Variants in IKZF1 observed in about 807,000 individuals in gnomAD.
IKZF1 encodes the protein IKAROS family zinc finger 1.
A neutral mutation model predicts 51.7 loss-of-function variants in IKZF1; 10 were observed. That is an observed-to-expected ratio of 0.19 (90% CI 0.12 to 0.33). IKZF1 has a LOEUF of 0.33. Ranked by LOEUF, IKZF1 falls within the 10% of genes least tolerant of loss-of-function variation. The probability of loss-of-function intolerance (pLI) is 1.00; values close to 1 mark genes in which losing one functional copy is unlikely to be tolerated. For synonymous variants in IKZF1, 280 were observed against 282.3 expected (o/e 0.99, Z 0.08); for missense variants, 484 against 707.5 (o/e 0.68, Z 3.58).
At chr7:50,356,563 G>A (rs542897507) in intron 3 of IKZF1, among the ~76,000 whole-genome samples, 3 of 152,198 alleles carry the variant, frequency 2.0e-5, no homozygotes. Context: ...ACGGCTGTGT[G>A]TCTGTGCGTG....
intron 5 of IKZF1, among the ~76,000 whole-genome samples, chr7:50,387,077 G>A (rs905891486): frequency 5.9e-5 from 9 of 152,168 alleles, no homozygotes; most frequent in African/African-American, 2.2e-4. Flanking sequence ...CTAGGCTTCC[G>A]TGATTGAAGC....
chr7:50,346,938 C>T (rs993314576), intron 3 of IKZF1, among the ~76,000 whole-genome samples: 2 of 152,238 alleles, frequency 1.3e-5, no homozygotes, highest in Admixed American at 6.5e-5. Flanking sequence ...AAATTGTGTT[C>T]GATCTTTGCA....
chr7:50,359,931 C>T (rs1804694032), intron 3 of IKZF1, among the ~76,000 whole-genome samples: 1 of 152,228 alleles, frequency 6.6e-6, no homozygotes, highest in Non-Finnish European at 1.5e-5. Context: ...GGTCAGGTCA[C>T]CAGAGGCTGG....
intron 1 of IKZF1, among the ~76,000 whole-genome samples, chr7:50,314,880 A>G (rs1290641850): frequency 6.6e-6 from 1 of 152,216 alleles, no homozygotes; most frequent in African/African-American, 2.4e-5. Flanking sequence ...GGGCTGTTGG[A>G]TGTTTCTCCC....
Position 50,376,135 on chromosome 7 carries a change from C to T in IKZF1, c.161-398C>T, listed in dbSNP as rs942376879. On this transcript the variant is annotated intron_variant, in intron 3 of 7. Coordinates refer to ENST00000331340, the MANE Select transcript of IKZF1 (RefSeq NM_006060.6). This position sits in a 1 kb window ranked among gnomAD's most constrained non-coding sequence, Gnocchi z 4.5. ...GAGAGCTGGATTGTGTGACCCAGAA[C>T]CCACCCTCTAGGGCAAGGTGCCCAT... Among the ~76,000 whole-genome samples the T allele has an allele frequency of 1.3e-5, 2 of 152,204 alleles. No homozygotes were observed. The highest frequency in any genetic ancestry group is 4.8e-5 in the African/African-American group (2 of 41,446).
chr7:50,360,054 G>A (rs550393093), intron 3 of IKZF1, among the ~76,000 whole-genome samples: 17 of 152,232 alleles, frequency 1.1e-4, no homozygotes, highest in Non-Finnish European at 1.8e-4. Flanking sequence ...CGAGAGCGGC[G>A]GGATTAAGAG....
chr7:50,317,871 G>A (rs1267058578), intron 1 of IKZF1, among the ~76,000 whole-genome samples: 2 of 152,168 alleles, frequency 1.3e-5, no homozygotes, highest in Non-Finnish European at 1.5e-5. Context: ...AGTTTTTCAG[G>A]TCTCTGCTGA....
intron 3 of IKZF1, among the ~76,000 whole-genome samples, chr7:50,347,138 TACTG>T (rs1800577246): frequency 6.6e-6 from 1 of 152,212 alleles, no homozygotes; most frequent in Admixed American, 6.5e-5. Context: ...CTTTTGGAAA[TACTG>T]TATGTGCTAG....
chr7:50,386,315 C>T (rs1226342160), intron 5 of IKZF1, among the ~76,000 whole-genome samples: 1 of 152,240 alleles, frequency 6.6e-6, no homozygotes, highest in Non-Finnish European at 1.5e-5. Context: ...CCACTAGCCA[C>T]ATGCAGTATT....
At chr7:50,397,779 C>T (rs1362809890) in intron 7 of IKZF1, among the ~76,000 whole-genome samples, 1 of 152,186 alleles carries the variant, frequency 6.6e-6, no homozygotes. Flanking sequence ...GAGAGAAACA[C>T]CACTTCTTTG....
At position 50,304,793 on chromosome 7, in the gene IKZF1, C is replaced by G. The variant is rs543438548; in HGVS notation, c.-144C>G. 1.3e-5 allele frequency: 2 copies of G among 152,482 alleles called. No homozygotes were observed. The highest frequency in any genetic ancestry group is 2.4e-5 in the African/African-American group (1 of 41,514). 9.4% of individuals were successfully genotyped at this position (152,482 alleles called of 1,614,324 possible). A position where few individuals can be genotyped will look rare whatever the true frequency, so the allele number is the denominator to read the frequency against. On this transcript the variant is annotated 5_prime_UTR_variant, in exon 1 of 8. Transcript: ENST00000331340. ...CCCCTGGGTCCCCGCGCGGCGCATCCCAGCCTGGGCGGGACGCTCGGCCGC... is the reference window on the plus strand; with the variant it reads ...CCCCTGGGTCCCCGCGCGGCGCATCGCAGCCTGGGCGGGACGCTCGGCCGC...
At chr7:50,350,751 A>C (rs1032374973) in intron 3 of IKZF1, among the ~76,000 whole-genome samples, 6 of 152,160 alleles carry the variant, frequency 3.9e-5, no homozygotes, top group African/African-American at 1.4e-4. Context: ...GTTACTCATA[A>C]ATGTAGATCT....
At chr7:50,388,310 A>C (rs574269846) in intron 6 of IKZF1, among the ~76,000 whole-genome samples, 1 of 152,378 alleles carries the variant, frequency 6.6e-6, no homozygotes, top group Admixed American at 6.5e-5. Flanking sequence ...TAACGAATGG[A>C]GGAAAATTTA....
rs1049856021 is a variant in IKZF1, at chr7:50,338,998, C to T, written c.160+11241C>T. On this transcript the variant is annotated intron_variant, in intron 3 of 7. Transcript: ENST00000331340. ...CTAGAATCAGCCAACTGGTAATATG[C>T]GGAAAATCTGCCAGGTTGTTGGTAA... Among the ~76,000 whole-genome samples the T allele has an allele frequency of 2.6e-5, 4 of 152,170 alleles. No homozygotes were observed. In the East Asian group the frequency reaches 5.8e-4, roughly 22 times the overall value.
intron 3 of IKZF1, among the ~76,000 whole-genome samples, chr7:50,334,612 ATGTG>A (rs1797197908): frequency 6.7e-6 from 1 of 148,994 alleles, no homozygotes; most frequent in African/African-American, 2.5e-5. Context: ...TGTGTAGTGT[ATGTG>A]TGTGCTGTGT....
At chr7:50,335,925 G>C (rs1487730944) in intron 3 of IKZF1, among the ~76,000 whole-genome samples, 1 of 151,938 alleles carries the variant, frequency 6.6e-6, no homozygotes, top group Non-Finnish European at 1.5e-5. Flanking sequence ...TGTGAGGTGA[G>C]GGCGCCCCCT....
intron 5 of IKZF1, among the ~76,000 whole-genome samples, chr7:50,383,411 T>C (rs779634368): frequency 6.6e-6 from 1 of 152,154 alleles, no homozygotes; most frequent in Non-Finnish European, 1.5e-5. Context: ...CCACTAAAGT[T>C]TGGTTAGATC....
chr7:50,338,405 G>A (rs1463514495), intron 3 of IKZF1, among the ~76,000 whole-genome samples: 1 of 152,084 alleles, frequency 6.6e-6, no homozygotes, highest in East Asian at 1.9e-4. Context: ...TTTATTTTCT[G>A]CCTTGTTCCA....
At chr7:50,317,548 G>A (rs1212451248) in intron 1 of IKZF1, among the ~76,000 whole-genome samples, 2 of 152,080 alleles carry the variant, frequency 1.3e-5, no homozygotes, top group Non-Finnish European at 2.9e-5. Context: ...GTGTGCTGGT[G>A]GATGCTTACT....
Sources: gnomAD v4.1 joint callset for allele counts (sites outside exome capture counted in the v4.1 genomes callset) on GRCh38, gnomAD v4.1.1 for gene constraint, Gnocchi (gnomAD v3.1) non-coding constraint, MANE v1.5 for transcripts, NCBI Gene and HGNC (gene_info 2026-07-23, HGNC 2026-07-21) for gene names.